Variants in SYNRG observed in about 807,000 individuals in gnomAD.
SYNRG encodes the protein synergin gamma, also known as AP1 gamma subunit binding protein 1.
SYNRG carries 37 observed loss-of-function variants against 130.9 expected under a neutral mutation model. The observed-to-expected ratio is 0.28, with a 90% CI of 0.22 to 0.37. The LOEUF is 0.37. Ranked by LOEUF, SYNRG falls within the 10% of genes least tolerant of loss-of-function variation. The probability of loss-of-function intolerance (pLI) is 1.00; values close to 1 mark genes in which losing one functional copy is unlikely to be tolerated. For synonymous variants in SYNRG, 539 were observed against 568.1 expected (o/e 0.95, Z 0.73); for missense variants, 1,338 against 1,588.9 (o/e 0.84, Z 2.68).
intron 14 of SYNRG, among the ~76,000 whole-genome samples, chr17:37,552,087 T>C (rs549744663): frequency 6.6e-6 from 1 of 152,310 alleles, no homozygotes; most frequent in Admixed American, 6.5e-5. Flanking sequence ...CTTGCCAATT[T>C]GACATATGCA....
chr17:37,576,658 T>G (rs2060859995), intron 7 of SYNRG, among the ~76,000 whole-genome samples: 1 of 152,132 alleles, frequency 6.6e-6, no homozygotes, highest in African/African-American at 2.4e-5. Flanking sequence ...ATGTATCAAA[T>G]CAATACTCTA....
At chr17:37,605,418 C>G (rs768458257) in intron 1 of SYNRG, among the ~76,000 whole-genome samples, 13 of 152,166 alleles carry the variant, frequency 8.5e-5, no homozygotes, top group Non-Finnish European at 1.8e-4. Context: ...TCCTTTACCC[C>G]CTGTCTGGTT....
rs1056562518 is a variant in SYNRG at position 37,538,933 on chromosome 17, C to CAA, written c.3420+258_3420+259insTT. On this transcript the variant is annotated intron_variant, in intron 17 of 21. Transcript: ENST00000612223. Reference sequence around the variant, plus strand: ...AGCTTAAATATTATTTTGATTTAGTCAGAGTTAATGAAATCACTTTGTTAT... The same window carrying CAA: ...AGCTTAAATATTATTTTGATTTAGTCAAAGAGTTAATGAAATCACTTTGTTAT... 25 of 684,682 alleles carry CAA rather than the reference C, an allele frequency of 3.7e-5. No individual in the cohort carries two copies. In the African/African-American group the frequency reaches 4.7e-4, roughly 13 times the overall value. 42.4% of individuals were successfully genotyped at this position (684,682 alleles called of 1,614,324 possible).
chr17:37,566,096 G>A (rs1398527368), intron 11 of SYNRG, among the ~76,000 whole-genome samples: 2 of 152,206 alleles, frequency 1.3e-5, no homozygotes, highest in Admixed American at 1.3e-4. Context: ...GGGAAGTGAG[G>A]AGCCCCTCTG....
intron 11 of SYNRG, among the ~76,000 whole-genome samples, chr17:37,566,554 T>G (rs1157293928): frequency 6.7e-6 from 1 of 149,300 alleles, no homozygotes; most frequent in African/African-American, 2.5e-5. Flanking sequence ...CACTTGTTTA[T>G]CTGCTGACCT....
chr17:37,567,426 G>A (rs1023849445), intron 11 of SYNRG: 55 of 152,206 alleles, frequency 3.6e-4, no homozygotes, highest in African/African-American at 1.3e-3. Context: ...GTGAATTTGA[G>A]GTGCCTTGAC....
intron 19 of SYNRG, among the ~76,000 whole-genome samples, chr17:37,531,670 T>C (rs890920089): frequency 6.6e-6 from 1 of 152,004 alleles, no homozygotes; most frequent in South Asian, 2.1e-4. Flanking sequence ...TCCCAGCTAC[T>C]CAGGAGGCTG....
intron 19 of SYNRG, among the ~76,000 whole-genome samples, chr17:37,524,633 T>A (rs1190421094): frequency 6.6e-6 from 1 of 152,236 alleles, no homozygotes; most frequent in Admixed American, 6.5e-5. Flanking sequence ...TCTGGTCAAA[T>A]GTGGAAGACG....
intron 1 of SYNRG, among the ~76,000 whole-genome samples, chr17:37,604,874 C>T (rs1168776389): frequency 6.6e-6 from 1 of 152,038 alleles, no homozygotes; most frequent in African/African-American, 2.4e-5. Context: ...AGAGGAAGAC[C>T]GGGGAACAGC....
chr17:37,561,765 C>T (rs905984056), intron 11 of SYNRG, among the ~76,000 whole-genome samples, 176 bp from the exon 12 acceptor site: 2 of 151,494 alleles, frequency 1.3e-5, no homozygotes, highest in Non-Finnish European at 2.9e-5. Flanking sequence ...AAACCATGTC[C>T]TTTTTCAAAA....
chr17:37,605,035 G>A (rs1469849950), intron 1 of SYNRG, among the ~76,000 whole-genome samples: 1 of 152,150 alleles, frequency 6.6e-6, no homozygotes, highest in African/African-American at 2.4e-5. Flanking sequence ...AATAATGAAA[G>A]AGTTTGAAAT....
intron 2 of SYNRG, 36 bp downstream of exon 2, chr17:37,600,327 G>A: frequency 1.3e-6 from 2 of 1,543,288 alleles, no homozygotes; most frequent in Non-Finnish European, 1.7e-6. Context: ...ACACAAGAGT[G>A]AAAAATAAAA....
intron 2 of SYNRG, among the ~76,000 whole-genome samples, chr17:37,598,515 A>G (rs1213705744): frequency 6.6e-6 from 1 of 152,232 alleles, no homozygotes; most frequent in Non-Finnish European, 1.5e-5. Context: ...GGTAACTCAG[A>G]TATCTGGCAT....
intron 15 of SYNRG, 87 bp from the exon 16 acceptor site, chr17:37,540,630 C>CTT (rs767724523): frequency 0.013 from 8,870 of 688,562 alleles, 10 homozygotes; most frequent in African/African-American, 0.021. Context: ...CAACCCTCTT[C>CTT]TTTTTTTTTT....
chr17:37,563,260 C>T (rs2059677081), intron 11 of SYNRG, among the ~76,000 whole-genome samples: 2 of 152,174 alleles, frequency 1.3e-5, no homozygotes, highest in South Asian at 4.1e-4. Flanking sequence ...AATGAAAATA[C>T]TCAAGTGAGA....
chr17:37,600,416 T>A lies in SYNRG; in HGVS notation c.78-13A>T, dbSNP rs1247554491. 6.2e-7 allele frequency: 1 copy of A among 1,613,222 alleles called. No individual in the cohort carries two copies. The highest frequency in any genetic ancestry group is 1.7e-5 in the Admixed American group (1 of 60,000). Reference sequence around the variant, plus strand: ...AGGAAACATGAAGCTGAAAACAGAATAAAAATACATTATAATCTTCGTATG... The same window carrying A: ...AGGAAACATGAAGCTGAAAACAGAAAAAAAATACATTATAATCTTCGTATG... On this transcript the variant is annotated splice_polypyrimidine_tract_variant and intron_variant, in intron 1 of 21. Coordinates refer to ENST00000612223, the MANE Select transcript of SYNRG (RefSeq NM_007247.6).
rs894868579 is a variant in SYNRG at position 37,531,542 on chromosome 17, G to A, written c.3666+4437C>T. ...TGTAATCCCAGTACTTTGGGAGGCC[G>A]AGGTGAATGGATTCCTTGAGCCCAC... On this transcript the variant is annotated intron_variant, in intron 19 of 21. Coordinates refer to ENST00000612223, the MANE Select transcript of SYNRG (RefSeq NM_007247.6). Among the ~76,000 whole-genome samples the A allele has an allele frequency of 5.3e-5, 8 of 152,172 alleles. No individual in the cohort carries two copies. The South Asian group carries it at 6.2e-4, about 12-fold the overall frequency.
chr17:37,537,426 G>C (rs978912261), intron 18 of SYNRG: 3 of 152,368 alleles, frequency 2.0e-5, no homozygotes, highest in Admixed American at 1.3e-4. Context: ...TCAGGAGTTC[G>C]AGACCAGCCT....
chr17:37,558,782 C>T (rs1027913034), intron 13 of SYNRG, among the ~76,000 whole-genome samples: 1 of 152,164 alleles, frequency 6.6e-6, no homozygotes, highest in African/African-American at 2.4e-5. Flanking sequence ...TATCCTTGAA[C>T]ATACTAAGTG....
Sources: allele counts gnomAD v4.1 joint callset (sites outside exome capture counted in the v4.1 genomes callset), GRCh38; gene constraint gnomAD v4.1.1; transcripts MANE v1.5; gene names NCBI Gene and HGNC (gene_info 2026-07-23, HGNC 2026-07-21).